The following POLR2F variants were observed in gnomAD, a reference collection of about 807,000 sequenced individuals.
POLR2F encodes DNA-directed RNA polymerases I, II, and III subunit RPABC2.
POLR2F carries 12 observed loss-of-function variants against 22.7 expected under a neutral mutation model. The ratio of observed to expected loss-of-function variants is 0.53; its 90% CI spans 0.34 to 0.86. The LOEUF (loss-of-function observed/expected upper bound fraction) is 0.86. Among genes scored for constraint, POLR2F ranks in the 40% least tolerant of loss-of-function variants. The probability of loss-of-function intolerance (pLI) is 0.02; values close to 1 mark genes in which losing one functional copy is unlikely to be tolerated. For synonymous variants in POLR2F, 57 were observed against 66.0 expected, an observed-to-expected ratio of 0.86 and a Z score of 0.66; for missense variants, 126 against 171.5, an observed-to-expected ratio of 0.73 and a Z score of 1.48.
At chr22:38,009,728 G>A (rs1224208776) in intron 1 of POLR2F, among the ~76,000 whole-genome samples, 1 of 151,850 alleles carries the variant, frequency 6.6e-6, no homozygotes, top group Non-Finnish European at 1.5e-5. Context: ...AGATTAATCT[G>A]TATTTTCTAG....
intron 3 of POLR2F, among the ~76,000 whole-genome samples, chr22:37,960,880 G>T (rs1157599203): frequency 7.3e-6 from 1 of 136,706 alleles, no homozygotes; most frequent in African/African-American, 2.8e-5. Context: ...ATGGAGTCTC[G>T]CTCTGTCGCC....
downstream of POLR2F, among the ~76,000 whole-genome samples, chr22:38,030,473 C>T (rs1398122382): frequency 6.6e-6 from 1 of 152,128 alleles, no homozygotes; most frequent in Non-Finnish European, 1.5e-5. Flanking sequence ...AGCCAGTGTG[C>T]GCTGACTCCA....
At chr22:37,963,633 G>A (rs1014762755) in intron 3 of POLR2F, among the ~76,000 whole-genome samples, 2 of 152,166 alleles carry the variant, frequency 1.3e-5, no homozygotes, top group Admixed American at 6.6e-5. Context: ...GGACATTTCT[G>A]TCATTGCAGA....
chr22:38,001,846 T>TA (rs1436131907), intron 1 of POLR2F, among the ~76,000 whole-genome samples: 3 of 151,960 alleles, frequency 2.0e-5, no homozygotes, highest in African/African-American at 7.2e-5. Context: ...TGGTTTTTTT[T>TA]GGATGGAGTC....
At chr22:37,960,125 A>G (rs1486388377) in intron 3 of POLR2F, among the ~76,000 whole-genome samples, 1 of 150,248 alleles carries the variant, frequency 6.7e-6, no homozygotes, top group Non-Finnish European at 1.5e-5. Context: ...TTGTTGTTTT[A>G]TTTTCCGAGT....
intron 5 of POLR2F, among the ~76,000 whole-genome samples, chr22:38,035,144 T>C (rs921778823): frequency 6.6e-6 from 1 of 151,942 alleles, no homozygotes; most frequent in South Asian, 2.1e-4. Flanking sequence ...TCTCTCCCCC[T>C]GTGTGTGTCT....
In POLR2F at chr22:37,978,024, G is replaced by A. The variant is rs746476689; in HGVS notation, c.293+10854G>A. 39 of 1,611,318 alleles carry A rather than the reference G, an allele frequency of 2.4e-5. No individual in the cohort carries two copies. The highest frequency in any genetic ancestry group is 2.9e-5 in the Non-Finnish European group (34 of 1,179,532). ...CCGCCTCGCCCTGGGCGGCCTTCCCGTTCTTCCGCCGCCTGGGCTGGTACT... is the reference window on the plus strand; with the variant it reads ...CCGCCTCGCCCTGGGCGGCCTTCCCATTCTTCCGCCGCCTGGGCTGGTACT... On this transcript the variant is annotated intron_variant, in intron 4 of 4. Coordinates refer to the POLR2F transcript ENST00000405557. This position sits in a 1 kb window ranked among gnomAD's most constrained non-coding sequence, Gnocchi z 5.0.
rs118008263 is a variant in POLR2F at position 38,017,264 on chromosome 22, G to A, written c.121-8605G>A. ...GATGACGTGCCCTTCCTAGTCCTGGGTCTGTGCGTCTGAGCCTCGGGTGGA... is the reference window on the plus strand; with the variant it reads ...GATGACGTGCCCTTCCTAGTCCTGGATCTGTGCGTCTGAGCCTCGGGTGGA... On this transcript the variant is annotated intron_variant, in intron 1 of 2. Coordinates refer to the POLR2F transcript ENST00000333418. This position sits in a 1 kb window ranked among gnomAD's most constrained non-coding sequence, Gnocchi z 4.1. 6.6e-6 allele frequency among the ~76,000 whole-genome samples: 1 copy of A among 152,184 alleles called. No individual in the cohort carries two copies. The highest frequency in any genetic ancestry group is 6.5e-5 in the Admixed American group (1 of 15,288).
intron 1 of POLR2F, among the ~76,000 whole-genome samples, chr22:38,010,821 A>G (rs1337514063): frequency 6.6e-6 from 1 of 151,896 alleles, no homozygotes; most frequent in Non-Finnish European, 1.5e-5. Flanking sequence ...TTCGCCATGC[A>G]GGCCAGGCTG....
At position 38,017,011 on chromosome 22, in the gene POLR2F, C is replaced by G. The variant is rs927082456; in HGVS notation, c.121-8858C>G. Among the ~76,000 whole-genome samples the G allele has an allele frequency of 1.3e-5, 2 of 152,126 alleles. No homozygotes were observed. Among genetic ancestry groups the G allele is most frequent in the East Asian group, 1.9e-4 (1 of 5,168 alleles). On this transcript the variant is annotated intron_variant, in intron 1 of 2. Coordinates refer to the POLR2F transcript ENST00000333418. This position sits in a 1 kb window ranked among gnomAD's most constrained non-coding sequence, Gnocchi z 4.1. ...CAGCGCAAGGGGCCAGCCAGCCCCC[C>G]ACCCCAGCCTCTGCTGCCTGGCACC...
intron 1 of POLR2F, among the ~76,000 whole-genome samples, chr22:38,007,690 A>T (rs978560058): frequency 2.2e-4 from 34 of 152,214 alleles, no homozygotes; most frequent in African/African-American, 7.5e-4. Context: ...GCCTGGGCCC[A>T]TCAGCAGCAG....
rs2084914936 is a variant in POLR2F at position 38,016,318 on chromosome 22, G to A, written c.121-9551G>A. Among the ~76,000 whole-genome samples, 1 of 152,172 alleles carries A rather than the reference G, an allele frequency of 6.6e-6. No homozygotes were observed. Among genetic ancestry groups the A allele is most frequent in the Admixed American group, 6.5e-5 (1 of 15,268 alleles). On this transcript the variant is annotated intron_variant, in intron 1 of 2. Transcript: ENST00000333418. The surrounding 1 kb of genome is among the most constrained non-coding windows in gnomAD (Gnocchi z 4.4). ...GAGGCATTACTCTGGACAAAGCCCC[G>A]GCCCAAAGGCATTTGGGAGCCTGCT...
chr22:38,019,968 C>T (rs762298226), intron 1 of POLR2F, among the ~76,000 whole-genome samples: 31 of 151,884 alleles, frequency 2.0e-4, no homozygotes, highest in Non-Finnish European at 3.7e-4. Flanking sequence ...GAGCCGAGAT[C>T]GTGCTATTGC....
chr22:38,040,840 G>A, intron 5 of POLR2F: 1 of 621,630 alleles, frequency 1.6e-6, no homozygotes, highest in Non-Finnish European at 2.8e-6. Flanking sequence ...CCTGCACACG[G>A]TCAGCGCTCT....
rs991481364 is a variant in POLR2F at position 37,974,581 on chromosome 22, G to A, written c.293+7411G>A. 2.6e-5 allele frequency among the ~76,000 whole-genome samples: 4 copies of A among 152,066 alleles called. No individual in the cohort carries two copies. The highest frequency in any genetic ancestry group is 4.4e-5 in the Non-Finnish European group (3 of 68,004). ...TTGGCCAGGGTTGTCTTGAACTCCT[G>A]ACCTCAGGTGATCCACCTGCCTCGG... On this transcript the variant is annotated intron_variant, in intron 4 of 4. Coordinates refer to the POLR2F transcript ENST00000405557. The surrounding 1 kb of genome is among the most constrained non-coding windows in gnomAD (Gnocchi z 5.4).
At chr22:37,977,170 G>GA (rs796380875) in intron 4 of POLR2F, among the ~76,000 whole-genome samples, 344 of 116,484 alleles carry the variant, frequency 3.0e-3, no homozygotes, top group African/African-American at 3.4e-3. Flanking sequence ...TCTGTCTCCA[G>GA]AAAAAAAAAA....
Position 37,978,416 on chromosome 22 carries a change from G to T in POLR2F, c.293+11246G>T, listed in dbSNP as rs558524817. Reference sequence around the variant, plus strand: ...GCTGCTCCTGGCAGCCCCTGAGGAGGAGTTAGAAGTAGGAGTAGAGGTTTC... The same window carrying T: ...GCTGCTCCTGGCAGCCCCTGAGGAGTAGTTAGAAGTAGGAGTAGAGGTTTC... On this transcript the variant is annotated intron_variant, in intron 4 of 4. Transcript: ENST00000405557. This position sits in a 1 kb window ranked among gnomAD's most constrained non-coding sequence, Gnocchi z 5.0. Among the ~76,000 whole-genome samples the T allele has an allele frequency of 6.6e-6, 1 of 152,382 alleles. No homozygotes were observed. Among genetic ancestry groups the T allele is most frequent in the East Asian group, 1.9e-4 (1 of 5,190 alleles).
At chr22:37,956,700 A>C in intron 1 of POLR2F, 73 bp from the exon 2 acceptor site, 36 of 1,174,238 alleles carry the variant, frequency 3.1e-5, no homozygotes, top group Non-Finnish European at 4.2e-5. Context: ...TACAAGTGTG[A>C]TCCACCGTGC....
At chr22:37,991,259 C>T (rs889523293) in intron 1 of POLR2F, among the ~76,000 whole-genome samples, 27 of 152,106 alleles carry the variant, frequency 1.8e-4, no homozygotes, top group Admixed American at 3.9e-4. Flanking sequence ...GGGACACTAC[C>T]GGCGCATGCC....
Sources: allele counts gnomAD v4.1 joint callset (sites outside exome capture counted in the v4.1 genomes callset), GRCh38; gene constraint gnomAD v4.1.1; non-coding constraint Gnocchi (gnomAD v3.1); transcripts MANE v1.5; gene names NCBI Gene and HGNC (gene_info 2026-07-23, HGNC 2026-07-21).